The following MYLK4 variants were observed in gnomAD, a reference collection of about 807,000 sequenced individuals.
MYLK4 encodes the protein caMLCK like.
A neutral mutation model predicts 48.1 loss-of-function variants in MYLK4; 46 were observed. That is an observed-to-expected ratio of 0.96 (90% CI 0.75 to 1.22). The LOEUF (loss-of-function observed/expected upper bound fraction) is 1.22. Ranked by LOEUF, MYLK4 falls within the 50% of genes most tolerant of loss-of-function variation. The pLI, the probability that MYLK4 is intolerant of heterozygous loss-of-function variation, is 0.00. For missense variants in MYLK4, 451 were observed against 486.1 expected (o/e 0.93, Z 0.68); for synonymous variants, 170 against 180.8 (o/e 0.94, Z 0.48).
At chr6:2,715,328 G>A (rs989827072) in intron 2 of MYLK4, among the ~76,000 whole-genome samples, 1 of 151,924 alleles carries the variant, frequency 6.6e-6, no homozygotes, top group Non-Finnish European at 1.5e-5. Context: ...GATGGATGGT[G>A]CTGACGGGCT....
Position 2,683,101 on chromosome 6 carries a change from C to T in MYLK4, c.607G>A (p.Asp203Asn). 1 of 1,614,150 alleles carries T rather than the reference C, an allele frequency of 6.2e-7. No individual in the cohort carries two copies. Among genetic ancestry groups the T allele is most frequent in the Non-Finnish European group, 8.5e-7 (1 of 1,180,046 alleles). ...ATCTGCTTCATGAACAGGATGGTAT[C>T]AAGCTCCGTCAAATTGTAGCTCTCA... Reference protein sequence around the residue: ...IDESYNLTELDTILFMKQICE... With the variant: ...IDESYNLTELNTILFMKQICE... Residue 203 changes from aspartate (D) to asparagine (N), a missense_variant, in exon 7 of 13, where the codon GAT (aspartate) becomes AAT (asparagine). Coordinates refer to ENST00000274643, the MANE Select transcript of MYLK4 (RefSeq NM_001012418.5).
In MYLK4 at chr6:2,685,072, T is replaced by C. The variant is rs1077904; in HGVS notation, c.545+224A>G. ...CAAACAGCGTAGATACAAAGCTAGA[T>C]CTACTTGGTCCCACTACTTCTTAGC... On this transcript the variant is annotated intron_variant, in intron 6 of 12. Coordinates refer to ENST00000274643, the MANE Select transcript of MYLK4 (RefSeq NM_001012418.5). This position sits in a 1 kb window ranked among gnomAD's most constrained non-coding sequence, Gnocchi z 4.5. 0.14 allele frequency among the ~76,000 whole-genome samples: 21,424 copies of C among 152,242 alleles called. 1,769 individuals are homozygous for C. Among genetic ancestry groups the C allele is most frequent in the East Asian group, 0.27 (1,383 of 5,180 alleles).
intron 10 of MYLK4, 102 bp from the exon 11 acceptor site, chr6:2,675,227 G>A: frequency 1.2e-6 from 1 of 807,558 alleles, no homozygotes; most frequent in Admixed American, 2.0e-5. Flanking sequence ...AGACCAGATG[G>A]CCGAATGTCA....
chr6:2,727,983 A>C (rs1763340859), intron 2 of MYLK4, among the ~76,000 whole-genome samples: 1 of 151,134 alleles, frequency 6.6e-6, no homozygotes, highest in African/African-American at 2.4e-5. Flanking sequence ...TCATTTACTT[A>C]GGGCTTACAG....
chr6:2,686,986 T>C (rs897766992), intron 4 of MYLK4, among the ~76,000 whole-genome samples: 2 of 152,172 alleles, frequency 1.3e-5, no homozygotes, highest in African/African-American at 4.8e-5. Context: ...CCCTGATTTA[T>C]TGTGCAAGGG....
At chr6:2,735,499 C>A (rs930471891) in intron 2 of MYLK4, among the ~76,000 whole-genome samples, 3 of 152,186 alleles carry the variant, frequency 2.0e-5, no homozygotes, top group African/African-American at 7.2e-5. Context: ...ATCCTCACTT[C>A]TAAGACATCA....
the MYLK4 span, among the ~76,000 whole-genome samples, chr6:2,762,560 T>C: frequency 6.6e-6 from 1 of 152,230 alleles, no homozygotes; most frequent in South Asian, 2.1e-4. Context: ...TAGTAACACT[T>C]TTCTTGAAAA....
chr6:2,699,673 C>G (rs1762217771), intron 2 of MYLK4, among the ~76,000 whole-genome samples: 1 of 152,136 alleles, frequency 6.6e-6, no homozygotes, highest in African/African-American at 2.4e-5. Context: ...CTCCATCAGG[C>G]TATTCCTTAT....
the MYLK4 span, among the ~76,000 whole-genome samples, chr6:2,764,858 G>C: frequency 6.6e-6 from 1 of 152,306 alleles, no homozygotes; most frequent in Non-Finnish European, 1.5e-5. Flanking sequence ...CCACTACTGA[G>C]GTGAGCATTT....
chr6:2,709,225 C>A (rs1254884560), intron 2 of MYLK4, among the ~76,000 whole-genome samples: 2 of 152,212 alleles, frequency 1.3e-5, no homozygotes, highest in Non-Finnish European at 2.9e-5. Flanking sequence ...TTCTATCACA[C>A]AACGATGAGC....
intron 10 of MYLK4, 72 bp from the exon 11 acceptor site, chr6:2,675,197 C>CG: frequency 1.8e-6 from 2 of 1,106,754 alleles, no homozygotes. Flanking sequence ...TCAATCTCAA[C>CG]TCCAGCTTCT....
chr6:2,765,206 C>CCCCCCG, the MYLK4 span, among the ~76,000 whole-genome samples: 2 of 86,184 alleles, frequency 2.3e-5, no homozygotes, highest in South Asian at 5.1e-4. Flanking sequence ...CCCTCCCCCG[C>CCCCCCG]CCCCGCAAAG....
intron 2 of MYLK4, among the ~76,000 whole-genome samples, chr6:2,711,543 T>C (rs1762673812): frequency 6.6e-6 from 1 of 152,228 alleles, no homozygotes; most frequent in Admixed American, 6.5e-5. Flanking sequence ...AGATGCTCCT[T>C]GTATTTTCAA....
At chr6:2,678,128 T>G in intron 10 of MYLK4, 92 bp downstream of exon 10, 7 of 1,461,452 alleles carry the variant, frequency 4.8e-6, no homozygotes, top group Non-Finnish European at 6.5e-6. Flanking sequence ...TCACAGATGT[T>G]AGTAAGAGAA....
Position 2,688,866 on chromosome 6 carries a change from G to A in MYLK4, c.326C>T (p.Thr109Ile). ...AVNSFYTVSK[T>I]EILGGGRFGQ... ...CCTTACTCACCCTCCTAGGATTTCT[G>A]TCTTGCTCACAGTATAGAAGCTGTT... is the stretch of plus-strand genomic sequence containing the variant. The change falls in exon 4 of 13, where the codon ACA becomes ATA. Residue 109 changes from threonine (T) to isoleucine (I), a missense_variant. Thr to Ile is a moderately conservative substitution (Grantham distance 89). Transcript: ENST00000274643. 3.7e-6 allele frequency: 6 copies of A among 1,613,910 alleles called. No homozygotes were observed. The highest frequency in any genetic ancestry group is 5.1e-6 in the Non-Finnish European group (6 of 1,179,786).
chr6:2,714,170 A>C (rs896390774), intron 2 of MYLK4, among the ~76,000 whole-genome samples: 4 of 152,186 alleles, frequency 2.6e-5, no homozygotes, highest in African/African-American at 4.8e-5. Flanking sequence ...GGAAGTGAAG[A>C]AACCAGCCAA....
rs7770402 is a variant in MYLK4, at chr6:2,749,179, T to G, written c.116A>C (p.Glu39Ala). 2,748 of 1,614,052 alleles carry G rather than the reference T, an allele frequency of 1.7e-3. 33 individuals carry two copies. In the African/African-American group the frequency reaches 0.032, roughly 19 times the overall value. The change falls in exon 2 of 13, where the codon GAA becomes GCA. Residue 39 changes from glutamate to alanine, a missense_variant. Physicochemically the swap from Glu to Ala is moderately radical, Grantham distance 107 (BLOSUM62 -1). Coordinates refer to ENST00000274643, the MANE Select transcript of MYLK4 (RefSeq NM_001012418.5). ...TGAATCCTGGTCCCCAGAATTTTTT[T>G]CCAGAAAACACTTCACTTTCTCCAC... is the stretch of plus-strand genomic sequence containing the variant. ...EEVEKVKCFL[E>A]KNSGDQDSRS... is the part of the protein sequence containing the mutation.
At chr6:2,693,038 T>A (rs1365330912) in intron 2 of MYLK4, among the ~76,000 whole-genome samples, 179 bp from the exon 3 acceptor site, 3 of 152,122 alleles carry the variant, frequency 2.0e-5, no homozygotes, top group African/African-American at 7.2e-5. Context: ...CTCCCAGTTG[T>A]GATGACCAAA....
At position 2,670,430 on chromosome 6, in the gene MYLK4, C is replaced by T. The variant is rs543363210; in HGVS notation, c.*25+846G>A. On this transcript the variant is annotated intron_variant, in intron 12 of 12. Transcript: ENST00000274643. ...CAAGAACTCACTCACAAGTCGTCAA[C>T]GCTGTGCAGTTACATGCATGGAGCT... 2.3e-4 allele frequency among the ~76,000 whole-genome samples: 35 copies of T among 152,260 alleles called. No individual in the cohort carries two copies. The Middle Eastern group carries it at 0.017, about 74-fold the overall frequency.
Sources: gnomAD v4.1 joint callset for allele counts (sites outside exome capture counted in the v4.1 genomes callset) on GRCh38, gnomAD v4.1.1 for gene constraint, Gnocchi (gnomAD v3.1) non-coding constraint, MANE v1.5 for transcripts, NCBI Gene and HGNC (gene_info 2026-07-23, HGNC 2026-07-21) for gene names.